Variants in KATNAL2 observed in about 807,000 individuals in gnomAD.
KATNAL2 encodes the protein katanin catalytic subunit A1 like 2.
Under a neutral mutation model 76.3 loss-of-function variants are expected in KATNAL2, and 52 were observed. The ratio of observed to expected loss-of-function variants is 0.68; its 90% CI spans 0.55 to 0.86. The LOEUF is 0.86. Among genes scored for constraint, KATNAL2 ranks in the 40% least tolerant of loss-of-function variants. The pLI is 0.00. For missense variants in KATNAL2, 660 were observed against 668.9 expected (o/e 0.99, Z 0.15); for synonymous variants, 243 against 244.2 (o/e 1.00, Z 0.05).
chr18:47,092,981 TC>T (rs987935396), intron 15 of KATNAL2, among the ~76,000 whole-genome samples: 1 of 152,252 alleles, frequency 6.6e-6, no homozygotes, highest in African/African-American at 2.4e-5. Flanking sequence ...AAATTATTTC[TC>T]ATCTGAATTC....
chr18:47,077,900 C>T (rs60600731), intron 15 of KATNAL2, among the ~76,000 whole-genome samples: 1,737 of 152,142 alleles, frequency 0.011, 32 homozygotes, highest in African/African-American at 0.04. Flanking sequence ...GGTAAATAAT[C>T]TCTAATGGAA....
intron 3 of KATNAL2, among the ~76,000 whole-genome samples, chr18:47,031,265 G>C (rs1013221075): frequency 2.0e-5 from 3 of 151,876 alleles, no homozygotes; most frequent in Non-Finnish European, 4.4e-5. Context: ...TTGGTGCCAC[G>C]GTTTGGGCAG....
At chr18:47,037,844 A>G (rs1392145937) in intron 3 of KATNAL2, among the ~76,000 whole-genome samples, 1 of 127,618 alleles carries the variant, frequency 7.8e-6, no homozygotes, top group Admixed American at 9.1e-5. Context: ...ACATAGTAGG[A>G]AAGCCATTTT....
At chr18:47,031,756 C>T (rs1029326275) in intron 3 of KATNAL2, among the ~76,000 whole-genome samples, 4 of 152,122 alleles carry the variant, frequency 2.6e-5, no homozygotes, top group Admixed American at 2.0e-4. Flanking sequence ...TGAGGTAGGG[C>T]CTTGAGCCTC....
chr18:47,085,583 C>A (rs2062733906), intron 15 of KATNAL2, among the ~76,000 whole-genome samples: 1 of 152,004 alleles, frequency 6.6e-6, no homozygotes, highest in African/African-American at 2.4e-5. Context: ...TCTGATGACC[C>A]ACGACTCCAC....
At chr18:46,921,296 T>G (rs1355577361) in intron 1 of KATNAL2, among the ~76,000 whole-genome samples, 4 of 152,070 alleles carry the variant, frequency 2.6e-5, no homozygotes, top group Non-Finnish European at 4.4e-5. Context: ...CCCAGCTAAT[T>G]TTTGTACTTT....
chr18:47,062,738 G>T (rs1261105232), intron 8 of KATNAL2, among the ~76,000 whole-genome samples: 1 of 152,220 alleles, frequency 6.6e-6, no homozygotes, highest in African/African-American at 2.4e-5. Flanking sequence ...AAATACTCAT[G>T]AATTTTTATT....
At chr18:47,058,619 G>A (rs895573091) in intron 7 of KATNAL2, among the ~76,000 whole-genome samples, 1 of 144,532 alleles carries the variant, frequency 6.9e-6, no homozygotes, top group Non-Finnish European at 1.6e-5. Flanking sequence ...TGGCCAGGGT[G>A]GGGCCAGGGC....
intron 3 of KATNAL2, chr18:46,963,756 T>TC: frequency 1.2e-6 from 1 of 846,434 alleles, no homozygotes; most frequent in South Asian, 1.7e-5. Context: ...CCCCACCGCT[T>TC]CCCCCTGGGG....
At chr18:46,931,623 G>A (rs903105099) in intron 1 of KATNAL2, among the ~76,000 whole-genome samples, 8 of 151,134 alleles carry the variant, frequency 5.3e-5, no homozygotes, top group Admixed American at 4.6e-4. Context: ...ATTGCACTCC[G>A]GCCTGGACAA....
chr18:47,063,308 G>A lies in KATNAL2; in HGVS notation c.673G>A (p.Ala225Thr), dbSNP rs1345210198. 8.7e-6 allele frequency: 14 copies of A among 1,613,798 alleles called. No homozygotes were observed. The highest frequency in any genetic ancestry group is 1.2e-5 in the Non-Finnish European group (14 of 1,179,916). Residue 225 changes from alanine to threonine, a missense_variant, in exon 10 of 18, where the codon GCA becomes ACA. Coordinates refer to ENST00000683218, the MANE Select transcript of KATNAL2 (RefSeq NM_001387690.1). ...GGAACGACTGCTGAAACCTCTGAGT[G>A]CATTTATTGGCATGAACAGTGAGAT... ...PSERLLKPLS[A>T]FIGMNSEMRE...
chr18:47,058,640 C>T (rs1187988569), intron 7 of KATNAL2, among the ~76,000 whole-genome samples: 15 of 144,482 alleles, frequency 1.0e-4, no homozygotes, highest in African/African-American at 1.2e-4. Context: ...CCAGTCAGAG[C>T]GGGAAGGCCT....
intron 3 of KATNAL2, among the ~76,000 whole-genome samples, chr18:46,951,723 T>C (rs1234565658): frequency 6.6e-6 from 1 of 152,180 alleles, no homozygotes; most frequent in Non-Finnish European, 1.5e-5. Flanking sequence ...CTCAGGTTAA[T>C]ACTCTAGGTT....
At chr18:46,946,723 C>T in intron 2 of KATNAL2, 131 bp from the exon 3 acceptor site, 1 of 1,094,680 alleles carries the variant, frequency 9.1e-7, no homozygotes, top group Non-Finnish European at 1.3e-6. Flanking sequence ...GTTAAAGAAT[C>T]CTTCTGTGGC....
intron 3 of KATNAL2, among the ~76,000 whole-genome samples, chr18:46,959,594 G>A (rs1440906478): frequency 1.3e-5 from 2 of 151,982 alleles, no homozygotes; most frequent in Non-Finnish European, 2.9e-5. Flanking sequence ...TTTTTTTGGA[G>A]ACAGAGTCCC....
chr18:47,081,108 C>T (rs544649092), intron 15 of KATNAL2, among the ~76,000 whole-genome samples: 1 of 151,188 alleles, frequency 6.6e-6, no homozygotes, highest in Non-Finnish European at 1.5e-5. Flanking sequence ...TTATCCCTCC[C>T]TCTTCCTCTC....
intron 15 of KATNAL2, among the ~76,000 whole-genome samples, chr18:47,081,140 C>G (rs911426363): frequency 1.3e-5 from 2 of 151,702 alleles, no homozygotes; most frequent in African/African-American, 4.8e-5. Flanking sequence ...TTCTTTCTCT[C>G]TTCCTTCCTT....
chr18:47,071,458 A>G (rs16952848), intron 13 of KATNAL2, among the ~76,000 whole-genome samples: 10,162 of 152,172 alleles, frequency 0.067, 424 homozygotes, highest in East Asian at 0.12. Context: ...CCTAGAGACG[A>G]CTGTAGCTGA....
intron 15 of KATNAL2, among the ~76,000 whole-genome samples, chr18:47,083,341 G>A (rs2062618840): frequency 6.6e-6 from 1 of 152,136 alleles, no homozygotes; most frequent in Admixed American, 6.5e-5. Context: ...TCCTTCTAGG[G>A]GAAATAACTA....
Sources: gnomAD v4.1 joint callset for allele counts (sites outside exome capture counted in the v4.1 genomes callset) on GRCh38, gnomAD v4.1.1 for gene constraint, MANE v1.5 for transcripts, NCBI Gene and HGNC (gene_info 2026-07-23, HGNC 2026-07-21) for gene names.